Variants in DSCAM observed in about 807,000 individuals in gnomAD.
The protein encoded by DSCAM is cell adhesion molecule DSCAM.
In DSCAM, 47 loss-of-function variants were observed where a neutral mutation model predicts 217.7. The ratio of observed to expected loss-of-function variants is 0.22; its 90% confidence interval spans 0.17 to 0.28. The LOEUF (loss-of-function observed/expected upper bound fraction) is 0.28, where lower values mean the gene tolerates loss of function less well. Ranked by LOEUF, DSCAM falls within the 10% of genes least tolerant of loss-of-function variation. DSCAM has a pLI of 1.00. For missense variants in DSCAM, 2,080 were observed against 2,618.3 expected, an observed-to-expected ratio of 0.79 and a Z score of 4.49; for synonymous variants, 1,056 against 1,015.3, an observed-to-expected ratio of 1.04 and a Z score of -0.76.
At chr21:40,242,767 C>T (rs1056604542) in intron 11 of DSCAM, among the ~76,000 whole-genome samples, 1 of 152,228 alleles carries the variant, frequency 6.6e-6, no homozygotes, top group East Asian at 1.9e-4. Context: ...TGCCCCCAAC[C>T]CCACAGTGGG....
At chr21:40,696,420 G>C (rs1195889214) in intron 2 of DSCAM, among the ~76,000 whole-genome samples, 1 of 152,216 alleles carries the variant, frequency 6.6e-6, no homozygotes, top group Non-Finnish European at 1.5e-5. Flanking sequence ...GGTTTCAGGT[G>C]AAGTCCCAGC....
At chr21:40,100,460 A>C (rs973378159) in intron 20 of DSCAM, among the ~76,000 whole-genome samples, 4 of 152,128 alleles carry the variant, frequency 2.6e-5, no homozygotes, top group Non-Finnish European at 4.4e-5. Context: ...TGGATACCAG[A>C]TTTTCCAACA....
intron 20 of DSCAM, among the ~76,000 whole-genome samples, chr21:40,095,746 T>C (rs1334792879): frequency 6.6e-6 from 1 of 152,044 alleles, no homozygotes; most frequent in African/African-American, 2.4e-5. Context: ...TAAGAAGAAA[T>C]CAATCAATCA....
chr21:40,626,647 C>T (rs894891539), intron 3 of DSCAM, among the ~76,000 whole-genome samples: 2 of 152,150 alleles, frequency 1.3e-5, no homozygotes, highest in Non-Finnish European at 2.9e-5. Context: ...TCTTTGACAC[C>T]ACTTATGTGG....
At chr21:40,519,260 C>T (rs909215664) in intron 3 of DSCAM, among the ~76,000 whole-genome samples, 3 of 152,000 alleles carry the variant, frequency 2.0e-5, no homozygotes, top group East Asian at 1.9e-4. Context: ...TCATCAAACA[C>T]GAATCTGGGT....
Position 40,671,731 on chromosome 21 carries a change from G to A in DSCAM, c.508+21079C>T, listed in dbSNP as rs146543985. On this transcript the variant is annotated intron_variant, in intron 3 of 32. Coordinates refer to ENST00000400454, the MANE Select transcript of DSCAM (RefSeq NM_001389.5). Reference sequence around the variant, plus strand: ...AAAAAAGGATGACTATGGGAAAAATGGAAAAATAGTTTAAATTTATAAAAA... The same window carrying A: ...AAAAAAGGATGACTATGGGAAAAATAGAAAAATAGTTTAAATTTATAAAAA... Among the ~76,000 whole-genome samples the A allele has an allele frequency of 1.7e-4, 25 of 144,746 alleles. No homozygotes were observed. The East Asian group carries it at 5.0e-3, about 29-fold the overall frequency. The allele number at this position is 144,746 out of a possible 152,430, so 95.0% of individuals were successfully genotyped here. A position where few individuals can be genotyped will look rare whatever the true frequency, so the allele number is the denominator to read the frequency against.
chr21:40,458,142 T>C (rs1025270942), intron 3 of DSCAM, among the ~76,000 whole-genome samples: 6 of 152,108 alleles, frequency 3.9e-5, no homozygotes, highest in African/African-American at 1.4e-4. Context: ...ATAATGAAGA[T>C]TTAAACAACA....
intron 3 of DSCAM, among the ~76,000 whole-genome samples, chr21:40,434,785 CAAA>C (rs1206259409): frequency 6.6e-6 from 1 of 152,040 alleles, no homozygotes; most frequent in South Asian, 2.1e-4. Flanking sequence ...ACATGTGTCA[CAAA>C]AAAACACCCG....
chr21:40,199,857 G>C (rs2091051812), intron 11 of DSCAM, among the ~76,000 whole-genome samples: 1 of 151,902 alleles, frequency 6.6e-6, no homozygotes, highest in Non-Finnish European at 1.5e-5. Context: ...AGGTTGATGG[G>C]TGCAGCAAAC....
chr21:40,277,978 A>G (rs1380000939), intron 10 of DSCAM, among the ~76,000 whole-genome samples: 3 of 152,132 alleles, frequency 2.0e-5, no homozygotes, highest in Non-Finnish European at 2.9e-5. Flanking sequence ...CTACATAGAT[A>G]ATTGAAAAGA....
intron 20 of DSCAM, among the ~76,000 whole-genome samples, chr21:40,109,201 A>C (rs1237677073): frequency 6.6e-6 from 1 of 152,270 alleles, no homozygotes; most frequent in Non-Finnish European, 1.5e-5. Context: ...AATTATCAAC[A>C]GAGTAAACAG....
intron 1 of DSCAM, among the ~76,000 whole-genome samples, chr21:40,823,293 TA>T (rs139852728): frequency 0.019 from 2,879 of 149,498 alleles, 42 homozygotes; most frequent in Non-Finnish European, 0.032. Flanking sequence ...AGATAAACCA[TA>T]AAAAAAAACC....
chr21:40,317,070 T>C (rs543142787), intron 8 of DSCAM, among the ~76,000 whole-genome samples: 2 of 152,344 alleles, frequency 1.3e-5, no homozygotes, highest in African/African-American at 4.8e-5. Flanking sequence ...CATTATCAGC[T>C]TGCATTGAAA....
intron 11 of DSCAM, among the ~76,000 whole-genome samples, chr21:40,239,261 GAAGA>G (rs1324971489): frequency 6.6e-6 from 1 of 151,836 alleles, no homozygotes; most frequent in Non-Finnish European, 1.5e-5. Context: ...TTCAAAGTGA[GAAGA>G]AATAATGATA....
At chr21:40,519,207 G>A (rs185315023) in intron 3 of DSCAM, among the ~76,000 whole-genome samples, 13 of 152,226 alleles carry the variant, frequency 8.5e-5, no homozygotes. Context: ...GACGGTGAGT[G>A]TTATGTGTGA....
intron 3 of DSCAM, among the ~76,000 whole-genome samples, chr21:40,580,371 A>G (rs1190854556): frequency 1.3e-5 from 2 of 151,982 alleles, no homozygotes; most frequent in Admixed American, 6.5e-5. Context: ...CGTCTCTACT[A>G]AAAATACAAA....
chr21:40,018,822 A>G (rs2088211085), intron 32 of DSCAM, among the ~76,000 whole-genome samples: 1 of 152,230 alleles, frequency 6.6e-6, no homozygotes, highest in Non-Finnish European at 1.5e-5. Context: ...TTTACATGCA[A>G]TGCCTACATG....
At chr21:40,419,584 C>CA (rs1192568702) in intron 3 of DSCAM, among the ~76,000 whole-genome samples, 1 of 152,162 alleles carries the variant, frequency 6.6e-6, no homozygotes, top group Non-Finnish European at 1.5e-5. Flanking sequence ...GAAAGAGATT[C>CA]ACCCAGATTC....
chr21:40,523,179 T>C (rs1340428533), intron 3 of DSCAM, among the ~76,000 whole-genome samples: 1 of 151,920 alleles, frequency 6.6e-6, no homozygotes, highest in Non-Finnish European at 1.5e-5. Context: ...CAGGGAAGTG[T>C]TGGGTAGAGG....
Sources: gnomAD v4.1 joint callset for allele counts (sites outside exome capture counted in the v4.1 genomes callset) on GRCh38, gnomAD v4.1.1 for gene constraint, MANE v1.5 for transcripts, NCBI Gene and HGNC (gene_info 2026-07-23, HGNC 2026-07-21) for gene names.